Variants in BCKDHB observed in about 807,000 individuals in gnomAD.
The protein encoded by BCKDHB is 2-oxoisovalerate dehydrogenase subunit beta, mitochondrial.
Under a neutral mutation model 48.5 loss-of-function variants are expected in BCKDHB, and 41 were observed. The ratio of observed to expected loss-of-function variants is 0.85; its 90% CI spans 0.66 to 1.10. BCKDHB has a LOEUF of 1.10. BCKDHB is among the 50% of genes least tolerant of loss of function. The pLI is 0.00. For synonymous variants in BCKDHB, 201 were observed against 174.8 expected, an observed-to-expected ratio of 1.15 and a Z score of -1.18; for missense variants, 496 against 494.2, an observed-to-expected ratio of 1.00 and a Z score of -0.03.
chr6:80,427,326 T>A, the BCKDHB span, among the ~76,000 whole-genome samples: 1 of 152,076 alleles, frequency 6.6e-6, no homozygotes, highest in African/African-American at 2.4e-5. Context: ...ACAATAATAC[T>A]ATAACACTTT....
chr6:80,370,795 C>T, the BCKDHB span, among the ~76,000 whole-genome samples: 2 of 87,774 alleles, frequency 2.3e-5, no homozygotes, highest in African/African-American at 9.6e-5. Context: ...GTATATATAG[C>T]GTGTGTGTGT....
chr6:80,360,008 G>C, the BCKDHB span, among the ~76,000 whole-genome samples: 1 of 152,192 alleles, frequency 6.6e-6, no homozygotes, highest in Non-Finnish European at 1.5e-5. Flanking sequence ...GTGTTCTCAG[G>C]CAAGTTGACA....
the BCKDHB span, among the ~76,000 whole-genome samples, chr6:80,456,554 A>G: frequency 2.8e-4 from 43 of 152,236 alleles, no homozygotes; most frequent in Non-Finnish European, 1.0e-4. Flanking sequence ...ATCACTTACC[A>G]GAAAACAAAA....
At chr6:80,377,369 A>AT in the BCKDHB span, among the ~76,000 whole-genome samples, 11 of 151,952 alleles carry the variant, frequency 7.2e-5, no homozygotes, top group Admixed American at 2.0e-4. Context: ...AATTTATCTA[A>AT]TTTTTTTGGT....
intron 8 of BCKDHB, among the ~76,000 whole-genome samples, chr6:80,256,466 A>G (rs1011934996): frequency 1.3e-5 from 2 of 152,212 alleles, no homozygotes; most frequent in Non-Finnish European, 2.9e-5. Flanking sequence ...GGTACAGTCA[A>G]AATACGGTTT....
the BCKDHB span, among the ~76,000 whole-genome samples, chr6:80,461,490 A>G: frequency 3.3e-5 from 5 of 152,188 alleles, no homozygotes; most frequent in East Asian, 7.7e-4. Flanking sequence ...TCAGAGTTTT[A>G]CAAAGTGTTA....
At chr6:80,438,507 T>C in the BCKDHB span, among the ~76,000 whole-genome samples, 2 of 152,188 alleles carry the variant, frequency 1.3e-5, no homozygotes, top group African/African-American at 2.4e-5. Context: ...ATTTTTTGTT[T>C]TCAAAAGATA....
chr6:80,207,212 T>A (rs1455611214), intron 8 of BCKDHB, among the ~76,000 whole-genome samples: 2 of 151,886 alleles, frequency 1.3e-5, no homozygotes, highest in Non-Finnish European at 2.9e-5. Context: ...TTAAGTTTAG[T>A]GAAGTTTAAG....
At chr6:80,119,913 C>T (rs765831695) in intron 1 of BCKDHB, among the ~76,000 whole-genome samples, 28 of 151,536 alleles carry the variant, frequency 1.8e-4, no homozygotes, top group African/African-American at 2.7e-4. Flanking sequence ...ATGTACACAA[C>T]GTGCAGGTTT....
chr6:80,125,451 C>T (rs931329037), intron 1 of BCKDHB, among the ~76,000 whole-genome samples: 12 of 152,170 alleles, frequency 7.9e-5, no homozygotes, highest in African/African-American at 2.9e-4. Flanking sequence ...TCTTCAAGAA[C>T]TTTTCCTTTG....
chr6:80,437,294 A>C, the BCKDHB span, among the ~76,000 whole-genome samples: 1 of 152,238 alleles, frequency 6.6e-6, no homozygotes, highest in Non-Finnish European at 1.5e-5. Context: ...TCTGGAAAAC[A>C]ATCTTCAGAG....
intron 8 of BCKDHB, among the ~76,000 whole-genome samples, chr6:80,256,156 T>A (rs1777040909): frequency 6.6e-6 from 1 of 152,204 alleles, no homozygotes; most frequent in African/African-American, 2.4e-5. Flanking sequence ...TAACTTCCTC[T>A]CTTAATGTCA....
intron 8 of BCKDHB, among the ~76,000 whole-genome samples, chr6:80,235,361 C>G (rs1200492059): frequency 6.6e-6 from 1 of 152,162 alleles, no homozygotes; most frequent in African/African-American, 2.4e-5. Context: ...AATATACTTG[C>G]TTCTTTTTAT....
the BCKDHB span, among the ~76,000 whole-genome samples, chr6:80,434,127 A>G: frequency 6.6e-6 from 1 of 150,966 alleles, no homozygotes; most frequent in South Asian, 2.1e-4. Context: ...TGGGTTAACA[A>G]TTTTTTTTTC....
At chr6:80,413,874 A>T in the BCKDHB span, among the ~76,000 whole-genome samples, 1 of 152,216 alleles carries the variant, frequency 6.6e-6, no homozygotes, top group Admixed American at 6.5e-5. Flanking sequence ...AGAAATTGCA[A>T]CACTGTCTTC....
intron 8 of BCKDHB, among the ~76,000 whole-genome samples, chr6:80,224,376 A>G (rs777155475): frequency 6.6e-6 from 1 of 152,050 alleles, no homozygotes; most frequent in African/African-American, 2.4e-5. Context: ...TTCATTATCT[A>G]TAAAAGAGAG....
intron 8 of BCKDHB, among the ~76,000 whole-genome samples, chr6:80,241,499 ACAGT>A (rs1776388598): frequency 6.6e-6 from 1 of 152,066 alleles, no homozygotes; most frequent in Non-Finnish European, 1.5e-5. Context: ...TTTCCTTCTA[ACAGT>A]CAGGACCCTC....
At chr6:80,221,716 C>A (rs1403853592) in intron 8 of BCKDHB, among the ~76,000 whole-genome samples, 1 of 152,018 alleles carries the variant, frequency 6.6e-6, no homozygotes, top group East Asian at 1.9e-4. Flanking sequence ...CCAATTTGAA[C>A]TTATTGAATT....
At chr6:80,118,178 C>T (rs758706164) in intron 1 of BCKDHB, among the ~76,000 whole-genome samples, 9 of 152,084 alleles carry the variant, frequency 5.9e-5, no homozygotes, top group African/African-American at 9.7e-5. Context: ...AGGCCTACCT[C>T]GGACATATTG....
Sources: allele counts gnomAD v4.1 joint callset (sites outside exome capture counted in the v4.1 genomes callset), GRCh38; gene constraint gnomAD v4.1.1; transcripts MANE v1.5; gene names NCBI Gene and HGNC (gene_info 2026-07-23, HGNC 2026-07-21).